SH3KBP1: variants seen among roughly 807,000 people sequenced by gnomAD.
SH3KBP1 encodes SH3 domain containing kinase binding protein 1.
SH3KBP1 carries 8 observed loss-of-function variants against 50.1 expected under a neutral mutation model. The ratio of observed to expected loss-of-function variants is 0.16; its 90% confidence interval spans 0.09 to 0.29. The LOEUF (loss-of-function observed/expected upper bound fraction) is 0.29, where lower values mean the gene tolerates loss of function less well. Ranked by LOEUF, SH3KBP1 falls within the 10% of genes least tolerant of loss-of-function variation. The pLI is 1.00. For missense variants in SH3KBP1, 377 were observed against 535.2 expected (o/e 0.70, Z 2.92); for synonymous variants, 227 against 218.6 (o/e 1.04, Z -0.34).
At chrX:19,776,532 G>GTTTTT (rs72090569) in intron 2 of SH3KBP1, among the ~76,000 whole-genome samples, 1 of 25,683 alleles carries the variant, frequency 3.9e-5, no homozygotes, top group African/African-American at 1.7e-4. Context: ...TGACAACCTG[G>GTTTTT]TTTTTTTTTT....
At position 19,588,883 on chromosome X, in the gene SH3KBP1, A is replaced by T. The variant is rs114386338; in HGVS notation, c.1139-81T>A. 5.6e-3 allele frequency: 4,040 copies of T among 722,002 alleles called. 93 individuals are homozygous for T. In the African/African-American group the frequency reaches 0.08, roughly 14 times the overall value. The allele number at this position is 722,002 out of a possible 1,213,427, so 59.5% of individuals were successfully genotyped here. A position where few individuals can be genotyped will look rare whatever the true frequency, so the allele number is the denominator to read the frequency against. ...GATGCAGATCACTCATTTCCTGCTA[A>T]AAAAAAAAAAAATTACTGATGCTAT... On this transcript the variant is annotated intron_variant, in intron 11 of 17. Coordinates refer to ENST00000397821, the MANE Select transcript of SH3KBP1 (RefSeq NM_031892.3).
At chrX:19,820,675 T>C (rs1051628704) in intron 2 of SH3KBP1, among the ~76,000 whole-genome samples, 1 of 111,378 alleles carries the variant, frequency 9.0e-6, no homozygotes, top group African/African-American at 3.3e-5. Flanking sequence ...GTTTTTTAAT[T>C]GGTATATTTA....
At chrX:19,702,549 A>G (rs759216099) in intron 4 of SH3KBP1, among the ~76,000 whole-genome samples, 2 of 111,042 alleles carry the variant, frequency 1.8e-5, no homozygotes, top group Admixed American at 1.9e-4. Flanking sequence ...CCCTTGGGCC[A>G]CGACTGAGAG....
At chrX:19,790,002 G>A (rs1382823504) in intron 2 of SH3KBP1, among the ~76,000 whole-genome samples, 2 of 109,677 alleles carry the variant, frequency 1.8e-5, no homozygotes, top group African/African-American at 6.7e-5. Context: ...TCAGCCCTCG[G>A]GGCTCAAGGA....
At chrX:19,821,630 G>A (rs1169786831) in intron 2 of SH3KBP1, among the ~76,000 whole-genome samples, 1 of 110,186 alleles carries the variant, frequency 9.1e-6, no homozygotes, top group African/African-American at 3.3e-5. Context: ...CCAGGTTCAC[G>A]CCATTCTCCT....
chrX:19,788,298 A>AC (rs2066424066), intron 2 of SH3KBP1, among the ~76,000 whole-genome samples: 1 of 107,705 alleles, frequency 9.3e-6, no homozygotes, highest in African/African-American at 3.4e-5. Context: ...AAAAAAAAAA[A>AC]CACAAAAATG....
chrX:19,766,483 C>CTTTTTTTTTTTTTTTTTTTTT lies in SH3KBP1; in HGVS notation c.163-20063_163-20043dup, dbSNP rs61439964. ...TGCACTTTGAGTCTGTTGATTGCATCTTTTTTTTTTTTTTTTTTTTTTTTT... is the reference window on the plus strand; with the variant it reads ...TGCACTTTGAGTCTGTTGATTGCATCTTTTTTTTTTTTTTTTTTTTTTTTTTTTTTTTTTTTTTTTTTTTTT... On this transcript the variant is annotated intron_variant, in intron 2 of 17. Coordinates refer to ENST00000397821, the MANE Select transcript of SH3KBP1 (RefSeq NM_031892.3). Among the ~76,000 whole-genome samples, 2 of 22,589 alleles carry CTTTTTTTTTTTTTTTTTTTTT rather than the reference C, an allele frequency of 8.9e-5. 1 individual carries two copies. Among genetic ancestry groups the CTTTTTTTTTTTTTTTTTTTTT allele is most frequent in the Admixed American group, 1.3e-3 (2 of 1,572 alleles). 19.6% of individuals were successfully genotyped at this position (22,589 alleles called of 115,157 possible).
intron 3 of SH3KBP1, among the ~76,000 whole-genome samples, chrX:19,736,370 T>G (rs1210244814): frequency 8.9e-6 from 1 of 112,395 alleles, no homozygotes; most frequent in East Asian, 2.8e-4. Flanking sequence ...GCAACTTGTC[T>G]AAAGTGCTGC....
intron 2 of SH3KBP1, among the ~76,000 whole-genome samples, chrX:19,822,849 T>C (rs915018116): frequency 1.8e-5 from 2 of 112,305 alleles, no homozygotes; most frequent in African/African-American, 3.2e-5. Flanking sequence ...GTTTTAACGA[T>C]AGTTTGATTT....
intron 1 of SH3KBP1, among the ~76,000 whole-genome samples, chrX:19,842,335 G>T (rs1321240011): frequency 9.0e-6 from 1 of 111,519 alleles, no homozygotes; most frequent in African/African-American, 3.3e-5. Flanking sequence ...AGACCAGTCT[G>T]ACCAACATGG....
intron 13 of SH3KBP1, among the ~76,000 whole-genome samples, chrX:19,560,229 A>C (rs2065629555): frequency 9.0e-6 from 1 of 110,724 alleles, no homozygotes; most frequent in Admixed American, 9.6e-5. Context: ...CAAAAAAAAA[A>C]CCCCTAGATT....
intron 8 of SH3KBP1, among the ~76,000 whole-genome samples, chrX:19,614,958 T>A (rs2067562555): frequency 8.9e-6 from 1 of 112,124 alleles, no homozygotes; most frequent in Admixed American, 9.5e-5. Context: ...AATGACCCAA[T>A]CTTCCTCCAG....
rs767830095 is a variant in SH3KBP1 at position 19,582,692 on chromosome X, A to G, written c.1298+5951T>C. 6.3e-5 allele frequency among the ~76,000 whole-genome samples: 7 copies of G among 110,589 alleles called. No individual in the cohort carries two copies. The South Asian group carries it at 2.7e-3, about 43-fold the overall frequency. On this transcript the variant is annotated intron_variant, in intron 12 of 17. Coordinates refer to ENST00000397821, the MANE Select transcript of SH3KBP1 (RefSeq NM_031892.3). ...CCTTCATCCCAGACCTTCTCCCCAC[A>G]TCTCTAACTCAAGGCTCCCTGACAC...
chrX:19,810,504 G>A (rs1223851860), intron 2 of SH3KBP1, among the ~76,000 whole-genome samples: 1 of 111,953 alleles, frequency 8.9e-6, no homozygotes, highest in Non-Finnish European at 1.9e-5. Context: ...CACTCAGACA[G>A]CTAGATAACA....
chrX:19,697,935 G>C (rs1429093300), intron 4 of SH3KBP1, among the ~76,000 whole-genome samples: 1 of 112,253 alleles, frequency 8.9e-6, no homozygotes, highest in Non-Finnish European at 1.9e-5. Flanking sequence ...AGAGAATCCA[G>C]ATGACGGCAT....
chrX:19,847,040 C>T (rs750728263), intron 1 of SH3KBP1, among the ~76,000 whole-genome samples: 2 of 111,662 alleles, frequency 1.8e-5, no homozygotes, highest in African/African-American at 6.5e-5. Flanking sequence ...GAGGGAAGAA[C>T]GATTCCACAG....
At chrX:19,621,030 T>C (rs1211515271) in intron 8 of SH3KBP1, among the ~76,000 whole-genome samples, 1 of 103,685 alleles carries the variant, frequency 9.6e-6, no homozygotes, top group African/African-American at 3.5e-5. Flanking sequence ...TTTTTTTTTC[T>C]GCCTATGGGT....
At chrX:19,691,455 CTTTATA>C (rs2063292915) in intron 5 of SH3KBP1, among the ~76,000 whole-genome samples, 1 of 100,022 alleles carries the variant, frequency 1.0e-5, no homozygotes, top group African/African-American at 3.7e-5. Context: ...TATTTTCAGG[CTTTATA>C]TTTATATCTA....
intron 12 of SH3KBP1, among the ~76,000 whole-genome samples, chrX:19,570,212 C>A (rs1458922642): frequency 8.9e-6 from 1 of 111,847 alleles, no homozygotes; most frequent in African/African-American, 3.3e-5. Context: ...GCCACAGGTA[C>A]ACATGGCCTA....
Sources: allele counts gnomAD v4.1 joint callset (sites outside exome capture counted in the v4.1 genomes callset), GRCh38; gene constraint gnomAD v4.1.1; transcripts MANE v1.5; gene names NCBI Gene and HGNC (gene_info 2026-07-23, HGNC 2026-07-21).